The following ODAD2 variants were observed in gnomAD, a reference collection of about 807,000 sequenced individuals.
ODAD2 encodes outer dynein arm-docking complex subunit 2.
Under a neutral mutation model 106.8 loss-of-function variants are expected in ODAD2, and 89 were observed. The observed-to-expected ratio is 0.83, with a 90% CI of 0.70 to 0.99. The LOEUF is 0.99. Among genes scored for constraint, ODAD2 ranks in the 50% least tolerant of loss-of-function variants. The pLI is 0.00. For missense variants in ODAD2, 1,168 were observed against 1,238.5 expected, an observed-to-expected ratio of 0.94 and a Z score of 0.85; for synonymous variants, 404 against 436.2, an observed-to-expected ratio of 0.93 and a Z score of 0.92.
intron 16 of ODAD2, among the ~76,000 whole-genome samples, chr10:27,930,835 T>C (rs58716372): frequency 0.16 from 24,412 of 152,148 alleles, 2,971 homozygotes; most frequent in African/African-American, 0.34. Flanking sequence ...CGTTGTCATT[T>C]AGTTTTGAGC....
At chr10:27,979,790 T>C (rs1849430241) in intron 7 of ODAD2, among the ~76,000 whole-genome samples, 3 of 152,176 alleles carry the variant, frequency 2.0e-5, no homozygotes, top group Non-Finnish European at 4.4e-5. Context: ...CAATACTATG[T>C]AAAGCAATTC....
intron 17 of ODAD2, among the ~76,000 whole-genome samples, chr10:27,896,797 C>T (rs1842890398): frequency 6.6e-6 from 1 of 152,102 alleles, no homozygotes; most frequent in Admixed American, 6.5e-5. Flanking sequence ...TGCACAAAAT[C>T]ACACACACAT....
At chr10:27,924,969 G>C (rs865799719) in intron 16 of ODAD2, among the ~76,000 whole-genome samples, 67 of 139,552 alleles carry the variant, frequency 4.8e-4, no homozygotes, top group African/African-American at 1.6e-3. Flanking sequence ...TCAATAAACT[G>C]TTCCAGAGTA....
At chr10:27,909,998 A>G (rs1236385739) in intron 16 of ODAD2, among the ~76,000 whole-genome samples, 4 of 152,082 alleles carry the variant, frequency 2.6e-5, no homozygotes, top group Non-Finnish European at 1.5e-5. Flanking sequence ...ATTTATTGCT[A>G]AATTTTACTT....
At chr10:27,816,481 G>T (rs1026241898) in intron 19 of ODAD2, among the ~76,000 whole-genome samples, 2 of 152,142 alleles carry the variant, frequency 1.3e-5, no homozygotes, top group African/African-American at 4.8e-5. Context: ...TGATTCATTT[G>T]AACAGCCATA....
At chr10:27,969,935 A>G (rs1374292340) in intron 8 of ODAD2, among the ~76,000 whole-genome samples, 1 of 151,948 alleles carries the variant, frequency 6.6e-6, no homozygotes, top group East Asian at 1.9e-4. Flanking sequence ...GCAAAACGCC[A>G]TCTCTACTAA....
intron 17 of ODAD2, among the ~76,000 whole-genome samples, chr10:27,887,321 A>G (rs767949599): frequency 6.6e-6 from 1 of 152,088 alleles, no homozygotes; most frequent in Non-Finnish European, 1.5e-5. Context: ...ACATACATGC[A>G]CCAAACATGA....
chr10:27,825,785 T>C (rs942090493), intron 19 of ODAD2, among the ~76,000 whole-genome samples: 11 of 152,228 alleles, frequency 7.2e-5, no homozygotes, highest in African/African-American at 2.4e-4. Context: ...AATTAGACTT[T>C]GCCTAGGGCA....
intron 17 of ODAD2, among the ~76,000 whole-genome samples, chr10:27,898,735 T>C (rs2133780875): frequency 6.6e-6 from 1 of 152,320 alleles, no homozygotes; most frequent in Middle Eastern, 3.4e-3. Context: ...TCAACATATT[T>C]GTGATATGTA....
At chr10:27,839,612 C>T (rs1009888656) in intron 19 of ODAD2, among the ~76,000 whole-genome samples, 13 of 152,128 alleles carry the variant, frequency 8.5e-5, no homozygotes, top group African/African-American at 3.1e-4. Flanking sequence ...TAAGTAGCAG[C>T]TAATTTAAAG....
Position 27,970,095 on chromosome 10 carries a change from T to C in ODAD2, c.1142+1013A>G, listed in dbSNP as rs144564558. On this transcript the variant is annotated intron_variant, in intron 8 of 19. Transcript: ENST00000305242. ...CAGCCTGGGTGACAGCGAGATTCTG[T>C]CTCAAAAAATAAATAAATAAATAAA... 9.5e-3 allele frequency among the ~76,000 whole-genome samples: 1,300 copies of C among 136,434 alleles called. 11 individuals are homozygous for C. Among genetic ancestry groups the C allele is most frequent in the South Asian group, 0.022 (91 of 4,112 alleles). The allele number at this position is 136,434 out of a possible 152,430, so 89.5% of individuals were successfully genotyped here. A position where few individuals can be genotyped will look rare whatever the true frequency, so the allele number is the denominator to read the frequency against.
intron 10 of ODAD2, among the ~76,000 whole-genome samples, chr10:27,948,190 C>A (rs1312154605): frequency 6.6e-6 from 1 of 152,040 alleles, no homozygotes; most frequent in African/African-American, 2.4e-5. Flanking sequence ...GAAAAAAATT[C>A]TGTAAATCAT....
chr10:27,844,356 T>C (rs1838547532), intron 19 of ODAD2, among the ~76,000 whole-genome samples: 1 of 152,198 alleles, frequency 6.6e-6, no homozygotes, highest in Non-Finnish European at 1.5e-5. Context: ...GCAGACATCA[T>C]TCCACCATGA....
chr10:27,915,871 C>T (rs1376427268), intron 16 of ODAD2, among the ~76,000 whole-genome samples: 1 of 152,102 alleles, frequency 6.6e-6, no homozygotes, highest in Non-Finnish European at 1.5e-5. Context: ...ACCATGCCTA[C>T]AATATGGACA....
chr10:27,886,921 C>T (rs1346296856), intron 17 of ODAD2, among the ~76,000 whole-genome samples: 1 of 151,468 alleles, frequency 6.6e-6, no homozygotes, highest in African/African-American at 2.4e-5. Context: ...ATAAAAAGAT[C>T]AACTAAGCAC....
chr10:27,940,694 T>C lies in ODAD2; in HGVS notation c.1855A>G (p.Ser619Gly), dbSNP rs764565658. The C allele has an allele frequency of 3.1e-6, 5 of 1,614,066 alleles. No homozygotes were observed. The African/African-American group carries it at 4.0e-5, about 13-fold the overall frequency. ...RCGALALWSC[S>G]KSHTNKEAIR... Reference sequence around the variant, plus strand: ...GCTTCTTTATTCGTATGACTCTTACTGCAGCTCCACAGGGCCAGTGCCCCA... The same window carrying C: ...GCTTCTTTATTCGTATGACTCTTACCGCAGCTCCACAGGGCCAGTGCCCCA... The change falls in exon 13 of 20, where the codon AGT (serine) becomes GGT (glycine). Residue 619 changes from serine (S) to glycine (G), a missense_variant. Physicochemically the swap from Ser to Gly is moderately conservative, Grantham distance 56. Around this residue, in one of 3 missense-constraint regions of ODAD2, gnomAD observed 701 missense variants for 712.3 expected, o/e 0.98. Coordinates refer to ENST00000305242, the MANE Select transcript of ODAD2 (RefSeq NM_018076.5).
chr10:27,814,696 G>A (rs1425509792), intron 19 of ODAD2, among the ~76,000 whole-genome samples: 5 of 152,126 alleles, frequency 3.3e-5, no homozygotes, highest in Non-Finnish European at 7.3e-5. Flanking sequence ...TTCCGTCTTT[G>A]CTTCCTCCAT....
intron 16 of ODAD2, among the ~76,000 whole-genome samples, chr10:27,918,304 A>G (rs1347211912): frequency 2.0e-5 from 3 of 151,970 alleles, no homozygotes; most frequent in African/African-American, 7.2e-5. Flanking sequence ...AGAATGCATG[A>G]AAAAGGTAAT....
At chr10:27,916,152 CT>C (rs1193751685) in intron 16 of ODAD2, among the ~76,000 whole-genome samples, 1 of 151,968 alleles carries the variant, frequency 6.6e-6, no homozygotes, top group African/African-American at 2.4e-5. Flanking sequence ...GGGACAGAGA[CT>C]GAAAAGTGTG....
Sources: gnomAD v4.1 joint callset for allele counts (sites outside exome capture counted in the v4.1 genomes callset) on GRCh38, gnomAD v4.1.1 for gene constraint, gnomAD v4.1.1 regional missense constraint, MANE v1.5 for transcripts, NCBI Gene and HGNC (gene_info 2026-07-23, HGNC 2026-07-21) for gene names.